The following RBM39 variants were observed in gnomAD, a reference collection of about 807,000 sequenced individuals.
RBM39 encodes RNA-binding protein 39.
RBM39 carries 12 observed loss-of-function variants against 79.6 expected under a neutral mutation model. That is an observed-to-expected ratio of 0.15 (90% confidence interval 0.10 to 0.24). RBM39 has a LOEUF of 0.24. RBM39 is among the 10% of genes least tolerant of loss of function. RBM39 has a pLI of 1.00. For synonymous variants in RBM39, 185 were observed against 208.4 expected (o/e 0.89, Z 0.97); for missense variants, 243 against 653.4 (o/e 0.37, Z 6.85).
At chr20:35,714,036 C>T in intron 11 of RBM39, 149 bp downstream of exon 11, 1 of 705,776 alleles carries the variant, frequency 1.4e-6, no homozygotes, top group Non-Finnish European at 2.3e-6. Flanking sequence ...CAAGGCACAT[C>T]ATCTATAAAA....
At chr20:35,705,030 T>C in intron 15 of RBM39, 195 bp downstream of exon 15, 4 of 597,110 alleles carry the variant, frequency 6.7e-6, no homozygotes, top group Non-Finnish European at 8.7e-6. Flanking sequence ...AATCCTCTCA[T>C]ACCCTGATCA....
intron 10 of RBM39, among the ~76,000 whole-genome samples, chr20:35,715,986 G>A (rs2037076825): frequency 6.6e-6 from 1 of 152,180 alleles, no homozygotes; most frequent in Non-Finnish European, 1.5e-5. Context: ...CAGACTCTGA[G>A]CAGCTGTTAG....
At position 35,702,521 on chromosome 20, in the gene RBM39, A is replaced by C. The variant is rs1168467102; in HGVS notation, c.*1960T>G. 6.6e-6 allele frequency: 1 copy of C among 152,212 alleles called. No homozygotes were observed. Among genetic ancestry groups the C allele is most frequent in the African/African-American group, 2.4e-5 (1 of 41,456 alleles). The allele number at this position is 152,212 out of a possible 1,614,324, so 9.4% of individuals were successfully genotyped here. A position where few individuals can be genotyped will look rare whatever the true frequency, so the allele number is the denominator to read the frequency against. ...GTTCCCTAGAAAGCAATGACACAAC[A>C]AATTTGTTAGGAAGACTTGGTTCAA... On this transcript the variant is annotated 3_prime_UTR_variant, in exon 17 of 17. Transcript: ENST00000253363.
intron 9 of RBM39, chr20:35,719,931 C>T (rs1384373009): frequency 2.8e-5 from 6 of 215,132 alleles, no homozygotes; most frequent in South Asian, 8.3e-5. Context: ...TAGAGGGATG[C>T]GCCACCACAC....
At chr20:35,731,107 C>T (rs1281933760) in intron 4 of RBM39, among the ~76,000 whole-genome samples, 2 of 152,034 alleles carry the variant, frequency 1.3e-5, no homozygotes, top group African/African-American at 2.4e-5. Flanking sequence ...CCAAGTGATT[C>T]GGGTCTGTTT....
intron 2 of RBM39, chr20:35,739,413 A>C (rs757675065): frequency 6.4e-6 from 3 of 471,756 alleles, no homozygotes; most frequent in African/African-American, 2.0e-5. Context: ...TTTCTGCCTA[A>C]GCCCCAAGTG....
chr20:35,722,457 G>GTTTT (rs1423718184), intron 8 of RBM39, among the ~76,000 whole-genome samples: 4,561 of 130,958 alleles, frequency 0.035, 333 homozygotes, highest in African/African-American at 0.11. Context: ...TTATTTAGAG[G>GTTTT]CTTTTTTTTT....
intron 10 of RBM39, among the ~76,000 whole-genome samples, chr20:35,715,603 G>A (rs2037011549): frequency 2.0e-5 from 3 of 152,150 alleles, no homozygotes. Context: ...GTGTCAAAAG[G>A]TTATCAGAGA....
intron 9 of RBM39, among the ~76,000 whole-genome samples, chr20:35,718,433 G>C (rs1600471792): frequency 6.6e-6 from 1 of 152,016 alleles, no homozygotes; most frequent in Non-Finnish European, 1.5e-5. Flanking sequence ...CCACCTGTAG[G>C]TGTGAGCTGA....
At chr20:35,714,951 G>A (rs2425086) in intron 10 of RBM39, among the ~76,000 whole-genome samples, 27,984 of 151,964 alleles carry the variant, frequency 0.18, 2,957 homozygotes, top group African/African-American at 0.3. Context: ...AAAGTTACTA[G>A]AATAAAAAAA....
intron 8 of RBM39, among the ~76,000 whole-genome samples, chr20:35,722,705 G>C (rs375128869): frequency 6.6e-6 from 1 of 151,472 alleles, no homozygotes; most frequent in African/African-American, 2.4e-5. Flanking sequence ...AGGCCGAGGC[G>C]GACGGATCAC....
At chr20:35,716,122 G>A (rs548278863) in intron 10 of RBM39, among the ~76,000 whole-genome samples, 9 of 152,082 alleles carry the variant, frequency 5.9e-5, no homozygotes, top group Admixed American at 5.2e-4. Context: ...CTGGAGCACT[G>A]CAGCGCAATA....
chr20:35,706,972 A>G, intron 14 of RBM39, 148 bp downstream of exon 14: 1 of 375,004 alleles, frequency 2.7e-6, no homozygotes, highest in Non-Finnish European at 4.6e-6. Context: ...GGTTGCAGTA[A>G]GCCAAGATCG....
At chr20:35,735,714 T>C (rs1288060377) in intron 3 of RBM39, among the ~76,000 whole-genome samples, 2 of 152,116 alleles carry the variant, frequency 1.3e-5, no homozygotes, top group African/African-American at 4.8e-5. Context: ...AAATCAAGAG[T>C]CCTGATTGAA....
At position 35,731,956 on chromosome 20, in the gene RBM39, C is replaced by T. The variant is rs1054986483; in HGVS notation, c.281G>A (p.Arg94His). ...SRSRDRRFRG[R>H]YRSPYSGPKF... Reference sequence around the variant, plus strand: ...AGTTACATACTAAGGACTTCTGTAGCGGCCTCTAAATCTTCGATCTCGACT... The same window carrying T: ...AGTTACATACTAAGGACTTCTGTAGTGGCCTCTAAATCTTCGATCTCGACT... Residue 94 changes from arginine to histidine, a missense_variant, in exon 4 of 17, where the codon CGC becomes CAC. Arg to His is a conservative substitution (Grantham distance 29, BLOSUM62 0). This residue lies in a region of RBM39 where 115 missense variants were observed against 184.1 expected (regional missense o/e 0.62). Transcript: ENST00000253363. 50 of 1,613,792 alleles carry T rather than the reference C, an allele frequency of 3.1e-5. No individual in the cohort carries two copies. The highest frequency in any genetic ancestry group is 4.1e-5 in the Non-Finnish European group (48 of 1,180,024).
At chr20:35,710,192 G>C (rs1319237501) in intron 12 of RBM39, 1 of 152,064 alleles carries the variant, frequency 6.6e-6, no homozygotes, top group East Asian at 1.9e-4. Context: ...TGATTCAACT[G>C]CAACACTTTA....
At chr20:35,738,908 T>C (rs2146749979) in intron 3 of RBM39, 60 bp downstream of exon 3, 18 of 1,424,646 alleles carry the variant, frequency 1.3e-5, no homozygotes, top group Admixed American at 1.8e-5. Flanking sequence ...GAACACAACT[T>C]AAGGTCTAAA....
intron 12 of RBM39, among the ~76,000 whole-genome samples, chr20:35,711,419 G>A (rs986655496): frequency 6.6e-6 from 1 of 152,148 alleles, no homozygotes; most frequent in African/African-American, 2.4e-5. Flanking sequence ...AACACTATAA[G>A]CTCAAAATAA....
intron 4 of RBM39, 56 bp downstream of exon 4, chr20:35,731,885 C>A: frequency 6.9e-7 from 1 of 1,440,900 alleles, no homozygotes; most frequent in Non-Finnish European, 9.6e-7. Context: ...GTTAAACTGC[C>A]ATCTGAATAC....
Sources: allele counts gnomAD v4.1 joint callset (sites outside exome capture counted in the v4.1 genomes callset), GRCh38; gene constraint gnomAD v4.1.1; regional missense constraint gnomAD v4.1.1; transcripts MANE v1.5; gene names NCBI Gene and HGNC (gene_info 2026-07-23, HGNC 2026-07-21).